The following DSCAML1 variants were observed in gnomAD, a reference collection of about 807,000 sequenced individuals.
DSCAML1 encodes cell adhesion molecule DSCAML1.
In DSCAML1, 38 loss-of-function variants were observed where a neutral mutation model predicts 200.5. The observed-to-expected ratio is 0.19, with a 90% CI of 0.15 to 0.25. DSCAML1 has a LOEUF of 0.25. Ranked by LOEUF, DSCAML1 falls within the 10% of genes least tolerant of loss-of-function variation. The probability of loss-of-function intolerance (pLI) is 1.00; values close to 1 mark genes in which losing one functional copy is unlikely to be tolerated. For missense variants in DSCAML1, 2,223 were observed against 2,858.8 expected, an observed-to-expected ratio of 0.78 and a Z score of 5.07; for synonymous variants, 1,215 against 1,165.0, an observed-to-expected ratio of 1.04 and a Z score of -0.87.
At chr11:117,690,940 G>A (rs1209324086) in intron 3 of DSCAML1, among the ~76,000 whole-genome samples, 1 of 152,184 alleles carries the variant, frequency 6.6e-6, no homozygotes, top group African/African-American at 2.4e-5. Flanking sequence ...GGGTTCCACA[G>A]CTAAAACCTC....
chr11:117,475,406 C>G (rs74594162), intron 14 of DSCAML1, among the ~76,000 whole-genome samples: 2,707 of 152,298 alleles, frequency 0.018, 45 homozygotes, highest in Middle Eastern at 0.034. Flanking sequence ...CCTGCAACAT[C>G]TGGCTCCTGC....
At chr11:117,726,294 T>C (rs918236697) in intron 3 of DSCAML1, among the ~76,000 whole-genome samples, 3 of 151,874 alleles carry the variant, frequency 2.0e-5, no homozygotes, top group Non-Finnish European at 4.4e-5. Flanking sequence ...TGTGTGTGTA[T>C]GTGACTGGAT....
chr11:117,585,131 A>G (rs1430734542), intron 3 of DSCAML1, among the ~76,000 whole-genome samples: 2 of 152,140 alleles, frequency 1.3e-5, no homozygotes, highest in African/African-American at 4.8e-5. Context: ...TAGTCATTCA[A>G]TCCTTCCACG....
chr11:117,667,092 G>A (rs1287831010), intron 3 of DSCAML1, among the ~76,000 whole-genome samples: 1 of 152,170 alleles, frequency 6.6e-6, no homozygotes, highest in Non-Finnish European at 1.5e-5. Flanking sequence ...GCTCAGGTGG[G>A]ACAAGGAGCC....
chr11:117,439,465 C>A, intron 22 of DSCAML1, 36 bp from the exon 23 acceptor site: 1 of 1,596,658 alleles, frequency 6.3e-7, no homozygotes, highest in South Asian at 1.1e-5. Context: ...TGGGTCATGT[C>A]AAGCACCCCT....
At chr11:117,461,419 G>A (rs770129525) in intron 18 of DSCAML1, 31 bp downstream of exon 18, 6 of 1,613,718 alleles carry the variant, frequency 3.7e-6, no homozygotes, top group East Asian at 2.2e-5. Flanking sequence ...CCTCTCCCCT[G>A]AGTCCCAGCC....
rs1050402396 is a variant in DSCAML1, at chr11:117,489,357, T to C, written c.2360-7195A>G. ...GACAGCCACAAAAGCACCTCACTGC[T>C]CTGTAGGGCACAGGAGGCTTTAATG... On this transcript the variant is annotated intron_variant, in intron 11 of 32. Transcript: ENST00000651296. The surrounding 1 kb of genome is among the most constrained non-coding windows in gnomAD (Gnocchi z 4.8). Among the ~76,000 whole-genome samples the C allele has an allele frequency of 6.6e-6, 1 of 152,176 alleles. No individual in the cohort carries two copies. The highest frequency in any genetic ancestry group is 1.5e-5 in the Non-Finnish European group (1 of 68,028).
chr11:117,679,810 C>T (rs1027583359), intron 3 of DSCAML1, among the ~76,000 whole-genome samples: 4 of 152,176 alleles, frequency 2.6e-5, no homozygotes, highest in Non-Finnish European at 4.4e-5. Context: ...AAACTTTTCC[C>T]GTTAGAATGT....
In DSCAML1 at chr11:117,661,175, G is replaced by A. The variant is rs553524138; in HGVS notation, c.511+115616C>T. Among the ~76,000 whole-genome samples, 17 of 152,224 alleles carry A rather than the reference G, an allele frequency of 1.1e-4. No homozygotes were observed. In the South Asian group the frequency reaches 1.7e-3, roughly 15 times the overall value. ...CCTAGGGTTGGGCTCAGCCTTCTCC[G>A]GGTTGATGATCCAGGGACTCAAATT... On this transcript the variant is annotated intron_variant, in intron 3 of 32. Transcript: ENST00000651296.
At chr11:117,814,445 C>T (rs896167304) in intron 1 of DSCAML1, among the ~76,000 whole-genome samples, 7 of 152,218 alleles carry the variant, frequency 4.6e-5, no homozygotes, top group African/African-American at 1.7e-4. Context: ...TCTGACCACC[C>T]CAGCTGCCTA....
intron 3 of DSCAML1, among the ~76,000 whole-genome samples, chr11:117,669,328 GCT>G (rs948182351): frequency 6.6e-6 from 1 of 152,224 alleles, no homozygotes; most frequent in Admixed American, 6.5e-5. Context: ...CCTCGGGCTG[GCT>G]CTGAGAAAGC....
At chr11:117,797,292 G>T, upstream of DSCAML1, 1 of 1,322,678 alleles carries the variant, frequency 7.6e-7, no homozygotes. Context: ...CGCTCTCCCC[G>T]CCCCCCCGCG....
At chr11:117,814,735 C>A (rs1591529009) in intron 1 of DSCAML1, among the ~76,000 whole-genome samples, 1 of 152,320 alleles carries the variant, frequency 6.6e-6, no homozygotes, top group African/African-American at 2.4e-5. Context: ...GGTCCCCTGG[C>A]AGGTGCCCAG....
chr11:117,648,116 C>T (rs1258579824), intron 3 of DSCAML1, among the ~76,000 whole-genome samples: 1 of 152,246 alleles, frequency 6.6e-6, no homozygotes, highest in African/African-American at 2.4e-5. Context: ...TCCCCTTGAT[C>T]TCCCTTTCTC....
At chr11:117,439,194 TC>T in intron 23 of DSCAML1, 71 bp downstream of exon 23, 3 of 1,572,428 alleles carry the variant, frequency 1.9e-6, no homozygotes, top group Non-Finnish European at 8.7e-7. Context: ...GATGACCCTC[TC>T]GCATGATGGA....
At chr11:117,751,176 A>G (rs2054599455) in intron 3 of DSCAML1, among the ~76,000 whole-genome samples, 1 of 152,044 alleles carries the variant, frequency 6.6e-6, no homozygotes, top group African/African-American at 2.4e-5. Context: ...ATGAGTCCTC[A>G]TTGCAATGGG....
At chr11:117,548,163 C>T (rs1449381713) in intron 3 of DSCAML1, among the ~76,000 whole-genome samples, 1 of 152,252 alleles carries the variant, frequency 6.6e-6, no homozygotes. Context: ...GTGGCAAAGG[C>T]TCAATACCGT....
intron 3 of DSCAML1, among the ~76,000 whole-genome samples, chr11:117,701,912 C>T (rs376342460): frequency 2.6e-5 from 4 of 152,180 alleles, no homozygotes; most frequent in African/African-American, 4.8e-5. Flanking sequence ...CACACAGTGC[C>T]GGTGCCAGGT....
chr11:117,468,825 C>T (rs993135008), intron 16 of DSCAML1, among the ~76,000 whole-genome samples: 17 of 152,232 alleles, frequency 1.1e-4, no homozygotes, highest in African/African-American at 3.9e-4. Context: ...CTAGGTCCTT[C>T]TGAATCTCTC....
Sources: gnomAD v4.1 joint callset for allele counts (sites outside exome capture counted in the v4.1 genomes callset) on GRCh38, gnomAD v4.1.1 for gene constraint, Gnocchi (gnomAD v3.1) non-coding constraint, MANE v1.5 for transcripts, NCBI Gene and HGNC (gene_info 2026-07-23, HGNC 2026-07-21) for gene names.